The following LRFN5 variants were observed in gnomAD, a reference collection of about 807,000 sequenced individuals.
LRFN5 encodes leucine-rich repeat and fibronectin type-III domain-containing protein 5.
Under a neutral mutation model 45.6 loss-of-function variants are expected in LRFN5, and 24 were observed. The ratio of observed to expected loss-of-function variants is 0.53; its 90% CI spans 0.38 to 0.74. The LOEUF is 0.74. LRFN5 is among the 30% of genes least tolerant of loss of function. The probability of loss-of-function intolerance (pLI) is 0.00; values close to 1 mark genes in which losing one functional copy is unlikely to be tolerated. For synonymous variants in LRFN5, 340 were observed against 313.8 expected (o/e 1.08, Z -0.88); for missense variants, 776 against 861.5 (o/e 0.90, Z 1.24).
intron 1 of LRFN5, among the ~76,000 whole-genome samples, chr14:41,657,253 T>A (rs1880422133): frequency 6.6e-6 from 1 of 151,976 alleles, no homozygotes; most frequent in African/African-American, 2.4e-5. Context: ...TATTTATAAA[T>A]GTTTTATAGG....
chr14:41,783,583 C>T (rs548514837), intron 2 of LRFN5, among the ~76,000 whole-genome samples: 15 of 152,148 alleles, frequency 9.9e-5, no homozygotes, highest in African/African-American at 2.6e-4. Flanking sequence ...TTGACTAATA[C>T]GGCTGTCAGT....
chr14:41,674,209 C>A (rs1319031122), intron 1 of LRFN5, among the ~76,000 whole-genome samples: 3 of 138,652 alleles, frequency 2.2e-5, no homozygotes, highest in Admixed American at 2.1e-4. Context: ...GGGCTGACCC[C>A]CCCACCTCCC....
chr14:41,846,214 G>GAC (rs61090774), intron 2 of LRFN5, among the ~76,000 whole-genome samples: 21,941 of 150,382 alleles, frequency 0.15, 1,717 homozygotes, highest in East Asian at 0.22. Context: ...TGTTTACACA[G>GAC]ACACACACAC....
At chr14:41,656,843 G>C (rs76459457) in intron 1 of LRFN5, among the ~76,000 whole-genome samples, 3,209 of 151,996 alleles carry the variant, frequency 0.021, 105 homozygotes, top group African/African-American at 0.071. Flanking sequence ...TATTGAGACT[G>C]AAGGTGGGAA....
chr14:41,888,043 C>A, intron 3 of LRFN5, 33 bp downstream of exon 3: 1 of 1,496,244 alleles, frequency 6.7e-7, no homozygotes, highest in Non-Finnish European at 9.1e-7. Flanking sequence ...GTATACTTAC[C>A]ATGCATCTTA....
At chr14:41,770,470 A>G (rs1311929656) in intron 2 of LRFN5, among the ~76,000 whole-genome samples, 1 of 152,220 alleles carries the variant, frequency 6.6e-6, no homozygotes, top group African/African-American at 2.4e-5. Context: ...CCCAAAATAC[A>G]ATGATGCTAC....
chr14:41,674,526 A>T (rs1237929741), intron 1 of LRFN5, among the ~76,000 whole-genome samples: 50 of 98,978 alleles, frequency 5.1e-4, no homozygotes, highest in East Asian at 1.3e-3. Flanking sequence ...ACCTCTCTCC[A>T]GGACGGGGCG....
chr14:41,785,924 TG>T (rs1466709262), intron 2 of LRFN5, among the ~76,000 whole-genome samples: 4 of 152,284 alleles, frequency 2.6e-5, no homozygotes, highest in Admixed American at 2.0e-4. Flanking sequence ...GCAGAGCAGC[TG>T]TAAATAAACA....
chr14:41,892,018 C>A (rs987127155), intron 4 of LRFN5, 56 bp downstream of exon 4: 4 of 1,572,738 alleles, frequency 2.5e-6, no homozygotes, highest in Non-Finnish European at 3.4e-6. Flanking sequence ...AGTACTCCCT[C>A]AATGGAGAAT....
At chr14:41,636,141 G>A (rs1392094018) in intron 1 of LRFN5, among the ~76,000 whole-genome samples, 1 of 152,134 alleles carries the variant, frequency 6.6e-6, no homozygotes, top group Non-Finnish European at 1.5e-5. Flanking sequence ...TGGAACTTAC[G>A]AGTATAATCA....
intron 2 of LRFN5, among the ~76,000 whole-genome samples, chr14:41,770,640 G>T (rs1192754260): frequency 3.3e-5 from 5 of 152,156 alleles, no homozygotes; most frequent in African/African-American, 1.2e-4. Flanking sequence ...GTGAAGGATG[G>T]GCCCCCAAGG....
chr14:41,843,943 G>T (rs1207579672), intron 2 of LRFN5, among the ~76,000 whole-genome samples: 1 of 152,166 alleles, frequency 6.6e-6, no homozygotes, highest in Non-Finnish European at 1.5e-5. Flanking sequence ...AATGGTCACT[G>T]TTATAGAAAT....
At chr14:41,692,855 A>G (rs1362563084) in intron 1 of LRFN5, among the ~76,000 whole-genome samples, 1 of 151,918 alleles carries the variant, frequency 6.6e-6, no homozygotes, top group African/African-American at 2.4e-5. Flanking sequence ...TTCTATAATC[A>G]TTATCATTGT....
At chr14:41,681,358 T>C (rs1412597747) in intron 1 of LRFN5, among the ~76,000 whole-genome samples, 1 of 152,026 alleles carries the variant, frequency 6.6e-6, no homozygotes, top group Non-Finnish European at 1.5e-5. Flanking sequence ...AGAAAAGATT[T>C]TAAAAATAAC....
chr14:41,870,584 G>A (rs1361104267), intron 2 of LRFN5, among the ~76,000 whole-genome samples: 1 of 152,094 alleles, frequency 6.6e-6, no homozygotes, highest in African/African-American at 2.4e-5. Flanking sequence ...ACAGCACTGG[G>A]AAAATCCACC....
intron 2 of LRFN5, among the ~76,000 whole-genome samples, chr14:41,774,305 C>T (rs1886199273): frequency 6.6e-6 from 1 of 152,072 alleles, no homozygotes; most frequent in Non-Finnish European, 1.5e-5. Flanking sequence ...TATACCACTA[C>T]AGACTACACT....
intron 2 of LRFN5, among the ~76,000 whole-genome samples, chr14:41,832,988 A>G (rs565993805): frequency 1.3e-5 from 2 of 152,272 alleles, no homozygotes; most frequent in East Asian, 3.9e-4. Flanking sequence ...TTTCTGTTTT[A>G]GATGTGGTCC....
Position 41,904,240 on chromosome 14 carries a change from C to A in LRFN5, c.*65C>A, listed in dbSNP as rs1891187786. 8 of 1,578,158 alleles carry A rather than the reference C, an allele frequency of 5.1e-6. No individual in the cohort carries two copies. The highest frequency in any genetic ancestry group is 1.7e-4 in the Middle Eastern group (1 of 6,012). The stretch of plus-strand genomic sequence containing the variant: ...ACTGATATTTTTACTGGATAAAATT[C>A]AAAAATGTTTCAATTCACAAAGGCT... On this transcript the variant is annotated 3_prime_UTR_variant, in exon 6 of 6. Transcript: ENST00000298119.
rs1258986285 is a variant in LRFN5 at position 41,877,571 on chromosome 14, G to A, written c.-20-9035G>A. ...GTAAGTAATTGGTGTCTTATCTGTA[G>A]CTAATTTATGTAAATAATGTTTATG... On this transcript the variant is annotated intron_variant, in intron 2 of 5. Coordinates refer to ENST00000298119, the MANE Select transcript of LRFN5 (RefSeq NM_152447.5). Among the ~76,000 whole-genome samples, 4 of 151,726 alleles carry A rather than the reference G, an allele frequency of 2.6e-5. 1 individual carries two copies. Among genetic ancestry groups the A allele is most frequent in the African/African-American group, 7.3e-5 (3 of 41,300 alleles).
Sources: gnomAD v4.1 joint callset for allele counts (sites outside exome capture counted in the v4.1 genomes callset) on GRCh38, gnomAD v4.1.1 for gene constraint, MANE v1.5 for transcripts, NCBI Gene and HGNC (gene_info 2026-07-23, HGNC 2026-07-21) for gene names.